The following DLG2 variants were observed in gnomAD, a reference collection of about 807,000 sequenced individuals.
DLG2 encodes the protein disks large homolog 2.
Under a neutral mutation model 132.5 loss-of-function variants are expected in DLG2, and 45 were observed. That is an observed-to-expected ratio of 0.34 (90% confidence interval 0.27 to 0.44). The LOEUF is 0.44. Ranked by LOEUF, DLG2 falls within the 20% of genes least tolerant of loss-of-function variation. The pLI is 1.00. For synonymous variants in DLG2, 424 were observed against 419.6 expected, an observed-to-expected ratio of 1.01 and a Z score of -0.13; for missense variants, 1,045 against 1,196.9, an observed-to-expected ratio of 0.87 and a Z score of 1.87.
chr11:84,722,819 A>C (rs2061985053), intron 6 of DLG2, among the ~76,000 whole-genome samples: 1 of 152,192 alleles, frequency 6.6e-6, no homozygotes, highest in African/African-American at 2.4e-5. Context: ...TCTTACACTA[A>C]GTGCAGAAGT....
Position 84,985,991 on chromosome 11 carries a change from C to CAAAAAAAAAAAAAAAA in DLG2, c.357+125654_357+125669dup, listed in dbSNP as rs71036455. ...TGGGCAACGGAGCAAGACTCCGTCT[C>CAAAAAAAAAAAAAAAA]AAAAAAAAAAAAAAAAAAAAAAAAA... On this transcript the variant is annotated intron_variant, in intron 6 of 27. Transcript: ENST00000376104. 4.5e-5 allele frequency among the ~76,000 whole-genome samples: 2 copies of CAAAAAAAAAAAAAAAA among 44,214 alleles called. 1 individual carries two copies. Among genetic ancestry groups the CAAAAAAAAAAAAAAAA allele is most frequent in the Non-Finnish European group, 7.3e-5 (2 of 27,582 alleles). The allele number at this position is 44,214 out of a possible 152,430, so 29.0% of individuals were successfully genotyped here. A position where few individuals can be genotyped will look rare whatever the true frequency, so the allele number is the denominator to read the frequency against.
intron 4 of DLG2, among the ~76,000 whole-genome samples, chr11:85,232,829 A>G (rs539681276): frequency 6.6e-6 from 1 of 151,992 alleles, no homozygotes; most frequent in Non-Finnish European, 1.5e-5. Flanking sequence ...ATGGAAAGAC[A>G]GGAAGCCCTG....
At chr11:83,462,192 G>T in intron 26 of DLG2, 99 bp from the exon 27 acceptor site, 1 of 800,266 alleles carries the variant, frequency 1.2e-6, no homozygotes, top group Non-Finnish European at 2.1e-6. Flanking sequence ...AAAACATAGT[G>T]TAATCTTAGC....
chr11:83,762,609 C>A (rs1328652489), intron 18 of DLG2, among the ~76,000 whole-genome samples: 2 of 148,764 alleles, frequency 1.3e-5, no homozygotes. Flanking sequence ...GAGACGGAGT[C>A]TTGCTCTGTC....
chr11:84,372,574 G>C (rs914965461), intron 7 of DLG2, among the ~76,000 whole-genome samples: 2 of 152,142 alleles, frequency 1.3e-5, no homozygotes, highest in African/African-American at 4.8e-5. Flanking sequence ...AAACATTATA[G>C]GCAAAGGAAT....
At chr11:85,028,464 C>T (rs1348124667) in intron 6 of DLG2, among the ~76,000 whole-genome samples, 1 of 152,106 alleles carries the variant, frequency 6.6e-6, no homozygotes, top group East Asian at 1.9e-4. Context: ...CTGCTTCCTG[C>T]CACCATTGAT....
rs148927617 is a variant in DLG2, at chr11:83,772,544, AAAAG to A, written c.1825+14142_1825+14145del. On this transcript the variant is annotated intron_variant, in intron 18 of 27. Transcript: ENST00000376104. ...AGGAAGGAAGGAGGGAAGGAAGGAA[AAAAG>A]AAAGAAAGAGAAAGAAAGAAACAGA... 4.4e-3 allele frequency among the ~76,000 whole-genome samples: 672 copies of A among 151,264 alleles called. 4 individuals are homozygous for A. The highest frequency in any genetic ancestry group is 0.014 in the African/African-American group (570 of 41,008).
intron 19 of DLG2, among the ~76,000 whole-genome samples, chr11:83,563,521 C>G (rs962722761): frequency 6.6e-6 from 1 of 152,136 alleles, no homozygotes; most frequent in Non-Finnish European, 1.5e-5. Context: ...GAAGTAAATT[C>G]GAAAACACAA....
intron 8 of DLG2, among the ~76,000 whole-genome samples, chr11:84,184,776 G>C (rs1427939407): frequency 2.6e-5 from 4 of 151,908 alleles, no homozygotes; most frequent in Admixed American, 6.6e-5. Context: ...TCCAGTTTCA[G>C]CTTTCTACAT....
At chr11:85,293,199 C>T (rs371177227) in intron 3 of DLG2, among the ~76,000 whole-genome samples, 2 of 152,048 alleles carry the variant, frequency 1.3e-5, no homozygotes, top group Non-Finnish European at 2.9e-5. Flanking sequence ...TTGAGGGATT[C>T]TGCAACTAGT....
chr11:83,655,857 C>T (rs979213836), intron 18 of DLG2, among the ~76,000 whole-genome samples: 1 of 152,186 alleles, frequency 6.6e-6, no homozygotes, highest in African/African-American at 2.4e-5. Context: ...CCCTGAATTG[C>T]TGTCACATAC....
At chr11:84,088,225 C>T (rs1258490512) in intron 10 of DLG2, among the ~76,000 whole-genome samples, 1 of 152,084 alleles carries the variant, frequency 6.6e-6, no homozygotes. Context: ...AAGATTTACT[C>T]CTACATTTTC....
chr11:83,665,815 GA>G (rs1462850802), intron 18 of DLG2, among the ~76,000 whole-genome samples: 2 of 152,064 alleles, frequency 1.3e-5, no homozygotes, highest in Non-Finnish European at 2.9e-5. Context: ...AGAGAACGGG[GA>G]ATGCGTTACA....
chr11:84,114,029 G>A (rs7105603), intron 9 of DLG2, among the ~76,000 whole-genome samples: 5,444 of 151,676 alleles, frequency 0.036, 140 homozygotes, highest in Non-Finnish European at 0.056. Context: ...AAAAGATTTC[G>A]AAAATGTAAA....
intron 6 of DLG2, among the ~76,000 whole-genome samples, chr11:84,824,431 T>C (rs2078082341): frequency 6.6e-6 from 1 of 151,936 alleles, no homozygotes; most frequent in Non-Finnish European, 1.5e-5. Context: ...ACTATGGGGT[T>C]TACAAAGATA....
At chr11:84,975,796 T>C (rs1226241098) in intron 6 of DLG2, among the ~76,000 whole-genome samples, 3 of 152,204 alleles carry the variant, frequency 2.0e-5, no homozygotes, top group Admixed American at 2.0e-4. Flanking sequence ...CTTCCTCTCC[T>C]GGTCCTCCAG....
chr11:84,823,690 A>T (rs1026455852), intron 6 of DLG2, among the ~76,000 whole-genome samples: 7 of 150,590 alleles, frequency 4.6e-5, no homozygotes, highest in Admixed American at 6.6e-5. Context: ...CACTCAACAT[A>T]AAAAAAAGTT....
At chr11:84,174,473 C>T (rs2095901512) in intron 8 of DLG2, among the ~76,000 whole-genome samples, 1 of 152,238 alleles carries the variant, frequency 6.6e-6, no homozygotes, top group African/African-American at 2.4e-5. Context: ...CGTTTTCTAG[C>T]CAAGTAATTG....
intron 3 of DLG2, among the ~76,000 whole-genome samples, chr11:85,590,571 G>T (rs565702027): frequency 1.3e-5 from 2 of 151,542 alleles, no homozygotes; most frequent in South Asian, 4.2e-4. Flanking sequence ...ATATTACTAC[G>T]CTATTTCAGG....
Sources: allele counts gnomAD v4.1 joint callset (sites outside exome capture counted in the v4.1 genomes callset), GRCh38; gene constraint gnomAD v4.1.1; transcripts MANE v1.5; gene names NCBI Gene and HGNC (gene_info 2026-07-23, HGNC 2026-07-21).